The following RTL4 variants were observed in gnomAD, a reference collection of about 807,000 sequenced individuals.
RTL4 encodes the protein retrotransposon Gag like 4.
In RTL4, 4 loss-of-function variants were observed where a neutral mutation model predicts 5.3. That is an observed-to-expected ratio of 0.75 (90% CI 0.37 to 1.72). The LOEUF (loss-of-function observed/expected upper bound fraction) is 1.72, where lower values mean the gene tolerates loss of function less well. RTL4 is among the 40% of genes most tolerant of loss of function. The pLI is 0.04. For synonymous variants in RTL4, 98 were observed against 87.3 expected, an observed-to-expected ratio of 1.12 and a Z score of -0.68; for missense variants, 260 against 227.1, an observed-to-expected ratio of 1.14 and a Z score of -0.93.
chrX:112,390,878 G>A, the RTL4 span, among the ~76,000 whole-genome samples: 1 of 112,190 alleles, frequency 8.9e-6, no homozygotes, highest in Middle Eastern at 4.6e-3. Context: ...GCAAGGTTGA[G>A]GAAGTTTTCA....
At chrX:112,103,750 T>G in the RTL4 span, among the ~76,000 whole-genome samples, 4 of 110,641 alleles carry the variant, frequency 3.6e-5, no homozygotes, top group East Asian at 8.4e-4. Flanking sequence ...ATTTTATTAT[T>G]ATTTATTATT....
At chrX:112,233,113 G>A in the RTL4 span, among the ~76,000 whole-genome samples, 1 of 111,719 alleles carries the variant, frequency 9.0e-6, no homozygotes, top group African/African-American at 3.3e-5. Flanking sequence ...TAAAGGGGGA[G>A]AACAGGCTTC....
chrX:112,425,507 G>A, the RTL4 span, among the ~76,000 whole-genome samples: 1 of 111,250 alleles, frequency 9.0e-6, no homozygotes. Context: ...CCACCAAACT[G>A]CCTTCCATAG....
At chrX:112,377,494 G>T in the RTL4 span, among the ~76,000 whole-genome samples, 1 of 111,913 alleles carries the variant, frequency 8.9e-6, no homozygotes, top group Non-Finnish European at 1.9e-5. Context: ...TATTGAAAGA[G>T]TATTGTGCCA....
chrX:112,190,174 TTC>T, the RTL4 span, among the ~76,000 whole-genome samples: 9 of 80,469 alleles, frequency 1.1e-4, no homozygotes, highest in Middle Eastern at 5.3e-3. Flanking sequence ...CTTTCTTTCT[TTC>T]TTTCTTTCTT....
the RTL4 span, among the ~76,000 whole-genome samples, chrX:112,246,052 G>T: frequency 8.9e-6 from 1 of 112,306 alleles, no homozygotes; most frequent in Non-Finnish European, 1.9e-5. Context: ...AAATATTGCA[G>T]AACAGCAAAT....
At chrX:112,242,213 T>C in the RTL4 span, among the ~76,000 whole-genome samples, 1 of 112,032 alleles carries the variant, frequency 8.9e-6, no homozygotes, top group Non-Finnish European at 1.9e-5. Flanking sequence ...TTTAAAGTAG[T>C]TTTTTCCAAT....
At chrX:112,353,584 CA>C in the RTL4 span, among the ~76,000 whole-genome samples, 6 of 110,220 alleles carry the variant, frequency 5.4e-5, no homozygotes, top group African/African-American at 1.7e-4. Flanking sequence ...ATCGCAAGGA[CA>C]AAAAACCAAA....
At chrX:112,112,965 A>G in the RTL4 span, among the ~76,000 whole-genome samples, 1 of 111,719 alleles carries the variant, frequency 9.0e-6, no homozygotes. Context: ...AACTGGATAT[A>G]GAGGAATTAC....
the RTL4 span, among the ~76,000 whole-genome samples, chrX:112,165,798 A>G: frequency 3.1e-4 from 35 of 111,735 alleles, no homozygotes; most frequent in African/African-American, 9.8e-4. Context: ...TTCTAGCCCC[A>G]AGATAGGTGG....
At chrX:112,115,797 C>A in the RTL4 span, among the ~76,000 whole-genome samples, 1 of 111,934 alleles carries the variant, frequency 8.9e-6, no homozygotes, top group African/African-American at 3.2e-5. Flanking sequence ...TTTTTAGAAG[C>A]GGGACTAGCC....
At chrX:112,295,422 T>C in the RTL4 span, among the ~76,000 whole-genome samples, 2 of 112,406 alleles carry the variant, frequency 1.8e-5, no homozygotes, top group Admixed American at 9.4e-5. Context: ...TCTGCTTCTC[T>C]TCTCTTCATT....
the RTL4 span, among the ~76,000 whole-genome samples, chrX:112,243,232 C>T: frequency 1.8e-5 from 2 of 111,419 alleles, no homozygotes; most frequent in Non-Finnish European, 3.8e-5. Flanking sequence ...GGGAGGATTC[C>T]CTCTTTTTCT....
chrX:112,316,532 C>A, the RTL4 span, among the ~76,000 whole-genome samples: 1 of 111,521 alleles, frequency 9.0e-6, no homozygotes, highest in African/African-American at 3.3e-5. Context: ...CAGACTTTAC[C>A]GCTATGCAAT....
At chrX:112,240,889 A>G in the RTL4 span, among the ~76,000 whole-genome samples, 5 of 110,159 alleles carry the variant, frequency 4.5e-5, no homozygotes, top group Non-Finnish European at 7.6e-5. Context: ...TCATTGTTCA[A>G]TTCCCACCTA....
the RTL4 span, among the ~76,000 whole-genome samples, chrX:112,257,878 TATATATATGTGTATATATATATATACAC>T: frequency 9.4e-6 from 1 of 106,053 alleles, no homozygotes; most frequent in Non-Finnish European, 1.9e-5. Context: ...ACTGTGTATA[TATATATATGTGTATATATATATATACAC>T]ATATATATAT....
At chrX:112,420,114 A>T in the RTL4 span, among the ~76,000 whole-genome samples, 149 of 111,064 alleles carry the variant, frequency 1.3e-3, 1 homozygote, top group African/African-American at 4.8e-3. Flanking sequence ...ACCCTGTTAT[A>T]TCTTCTTCCC....
exon 1 of RTL4, chrX:112,455,409 G>T: frequency 8.3e-7 from 1 of 1,211,389 alleles, no homozygotes. Flanking sequence ...AGCTCCTACA[G>T]TCAGAGACCC....
chrX:112,267,931 G>A, the RTL4 span, among the ~76,000 whole-genome samples: 2 of 111,243 alleles, frequency 1.8e-5, no homozygotes, highest in South Asian at 7.7e-4. Context: ...TTGGATCATT[G>A]CAATAGCCTC....
Sources: gnomAD v4.1 joint callset for allele counts (sites outside exome capture counted in the v4.1 genomes callset) on GRCh38, gnomAD v4.1.1 for gene constraint, MANE v1.5 for transcripts, NCBI Gene and HGNC (gene_info 2026-07-23, HGNC 2026-07-21) for gene names.